The following PLCG2 variants were observed in gnomAD, a reference collection of about 807,000 sequenced individuals.
PLCG2 encodes phospholipase C gamma 2, also known as 1-phosphatidylinositol 4,5-bisphosphate phosphodiesterase gamma-2.
PLCG2 carries 69 observed loss-of-function variants against 175.6 expected under a neutral mutation model. The observed-to-expected ratio is 0.39, with a 90% confidence interval of 0.32 to 0.48. The LOEUF is 0.48. Among genes scored for constraint, PLCG2 ranks in the 20% least tolerant of loss-of-function variants. The probability of loss-of-function intolerance (pLI) is 0.91; values close to 1 mark genes in which losing one functional copy is unlikely to be tolerated. For synonymous variants in PLCG2, 827 were observed against 624.0 expected, an observed-to-expected ratio of 1.33 and a Z score of -4.85; for missense variants, 1,798 against 1,650.9, an observed-to-expected ratio of 1.09 and a Z score of -1.54.
chr16:81,769,453 A>G (rs932901876), intron 2 of PLCG2, among the ~76,000 whole-genome samples: 3 of 152,182 alleles, frequency 2.0e-5, no homozygotes, highest in African/African-American at 7.2e-5. Context: ...GGCGCATCTC[A>G]GACTTTTCTA....
chr16:81,931,748 A>G, intron 25 of PLCG2, 94 bp downstream of exon 25: 10 of 1,056,956 alleles, frequency 9.5e-6, no homozygotes, highest in Non-Finnish European at 5.7e-6. Flanking sequence ...CAGCAGGATG[A>G]GCAGGCCCAG....
At chr16:81,745,832 G>A (rs1451155435) in intron 1 of PLCG2, among the ~76,000 whole-genome samples, 1 of 152,190 alleles carries the variant, frequency 6.6e-6, no homozygotes, top group Non-Finnish European at 1.5e-5. Context: ...GTCCCAGTTG[G>A]GAACCTCTGC....
At position 81,958,323 on chromosome 16, in the gene PLCG2, T is replaced by C. The variant is rs980355848; in HGVS notation, c.*325T>C. On this transcript the variant is annotated 3_prime_UTR_variant, in exon 33 of 33. Coordinates refer to ENST00000564138, the MANE Select transcript of PLCG2 (RefSeq NM_002661.5). ...ATTAAGCCTTCTGTTGCACGACCTG[T>C]GCAGTGAACAGGATTTCTTTTCTGG... 1.1e-4 allele frequency: 34 copies of C among 313,904 alleles called. No homozygotes were observed. The highest frequency in any genetic ancestry group is 7.1e-4 in the African/African-American group (34 of 48,014). 19.4% of individuals were successfully genotyped at this position (313,904 alleles called of 1,614,324 possible).
At chr16:81,759,685 T>C (rs7500825) in intron 2 of PLCG2, among the ~76,000 whole-genome samples, 3 of 152,256 alleles carry the variant, frequency 2.0e-5, no homozygotes, top group Admixed American at 2.0e-4. Flanking sequence ...GCTTTCTAGA[T>C]GATCTTCCAA....
In PLCG2 at chr16:81,910,699, C is replaced by G; in HGVS notation, c.1913C>G (p.Pro638Arg). ...CGGCTCACGGACCCTGTGCCCAACC[C>G]CAACCCCCACGAGTCCAAGCCGTAC... is the stretch of plus-strand genomic sequence containing the variant. Reference protein sequence around the residue: ...ELRLTDPVPNPNPHESKPWYY... With the variant: ...ELRLTDPVPNRNPHESKPWYY... The change falls in exon 18 of 33, where the codon CCC (proline) becomes CGC (arginine). Residue 638 changes from proline to arginine, a missense_variant. By Grantham distance (103) the Pro-to-Arg change is moderately radical. Coordinates refer to ENST00000564138, the MANE Select transcript of PLCG2 (RefSeq NM_002661.5). 2 of 1,610,636 alleles carry G rather than the reference C, an allele frequency of 1.2e-6. No individual in the cohort carries two copies. Among genetic ancestry groups the G allele is most frequent in the Non-Finnish European group, 1.7e-6 (2 of 1,179,976 alleles).
chr16:81,892,355 C>T (rs989598690), intron 11 of PLCG2, among the ~76,000 whole-genome samples: 2 of 152,138 alleles, frequency 1.3e-5, no homozygotes, highest in African/African-American at 4.8e-5. Flanking sequence ...AAGGAGGATA[C>T]AGGATGTTGC....
chr16:81,794,561 G>T (rs922986250), intron 2 of PLCG2, among the ~76,000 whole-genome samples: 4 of 152,034 alleles, frequency 2.6e-5, no homozygotes, highest in Non-Finnish European at 5.9e-5. Flanking sequence ...ACTTGGTAGG[G>T]GTGTGACCTT....
At chr16:81,848,506 C>T (rs958604203) in intron 2 of PLCG2, among the ~76,000 whole-genome samples, 5 of 152,096 alleles carry the variant, frequency 3.3e-5, no homozygotes. Context: ...TGTGCGTTTG[C>T]ATTTCTCTCC....
upstream of PLCG2, among the ~76,000 whole-genome samples, chr16:81,777,051 C>T (rs7193519): frequency 0.68 from 103,549 of 152,068 alleles, 35,578 homozygotes; most frequent in South Asian, 0.74. Context: ...CTGCCATTTA[C>T]GATGACCATT....
chr16:81,884,125 C>T (rs369357700), intron 9 of PLCG2, among the ~76,000 whole-genome samples: 3 of 152,112 alleles, frequency 2.0e-5, no homozygotes, highest in East Asian at 1.9e-4. Context: ...CCGAGGCGGG[C>T]GGATCACTTG....
At chr16:81,922,612 A>C (rs762017308) in intron 21 of PLCG2, among the ~76,000 whole-genome samples, 3 of 152,204 alleles carry the variant, frequency 2.0e-5, no homozygotes, top group Non-Finnish European at 4.4e-5. Flanking sequence ...ATCATTATTC[A>C]AGGGCAGAGC....
At chr16:81,752,325 T>C (rs2143068200) in intron 1 of PLCG2, among the ~76,000 whole-genome samples, 1 of 152,256 alleles carries the variant, frequency 6.6e-6, no homozygotes, top group Non-Finnish European at 1.5e-5. Context: ...CGGCCAGCTC[T>C]GAGAAGTACC....
chr16:81,954,962 T>C (rs956992202), intron 31 of PLCG2, among the ~76,000 whole-genome samples: 2 of 152,206 alleles, frequency 1.3e-5, no homozygotes, highest in African/African-American at 4.8e-5. Context: ...ACCGACAGTG[T>C]AAAAGTGTTC....
intron 30 of PLCG2, among the ~76,000 whole-genome samples, chr16:81,942,432 C>G (rs1344695507): frequency 6.6e-6 from 1 of 152,142 alleles, no homozygotes; most frequent in Non-Finnish European, 1.5e-5. Context: ...CTTTCTAGCT[C>G]CTAGCAGTGC....
chr16:81,914,102 C>T (rs367599078), intron 19 of PLCG2, among the ~76,000 whole-genome samples: 27 of 152,156 alleles, frequency 1.8e-4, no homozygotes, highest in Non-Finnish European at 3.7e-4. Context: ...GTGTTCAGTC[C>T]GCTGCACACG....
At chr16:81,912,499 C>T in intron 18 of PLCG2, 98 bp from the exon 19 acceptor site, 1 of 1,431,508 alleles carries the variant, frequency 7.0e-7, no homozygotes, top group South Asian at 1.3e-5. Flanking sequence ...GGGCCAGGTT[C>T]CAGGTGTCAC....
intron 2 of PLCG2, among the ~76,000 whole-genome samples, chr16:81,848,331 G>A (rs995955041): frequency 1.3e-5 from 2 of 152,198 alleles, no homozygotes; most frequent in Non-Finnish European, 2.9e-5. Context: ...GATGAAGGCA[G>A]ATGCCTGCAG....
chr16:81,844,510 C>T (rs1906010535), intron 2 of PLCG2, among the ~76,000 whole-genome samples: 1 of 151,932 alleles, frequency 6.6e-6, no homozygotes, highest in Admixed American at 6.6e-5. Flanking sequence ...TTGGTAGAGA[C>T]AGGGTTTTGC....
chr16:81,835,298 T>G (rs1262096993), intron 2 of PLCG2, among the ~76,000 whole-genome samples: 1 of 152,194 alleles, frequency 6.6e-6, no homozygotes. Context: ...GTAGCTGTTA[T>G]AATAATAATG....
Sources: allele counts gnomAD v4.1 joint callset (sites outside exome capture counted in the v4.1 genomes callset), GRCh38; gene constraint gnomAD v4.1.1; transcripts MANE v1.5; gene names NCBI Gene and HGNC (gene_info 2026-07-23, HGNC 2026-07-21).